Variants in PHACTR3 observed in about 807,000 individuals in gnomAD.
PHACTR3 encodes the protein phosphatase and actin regulator 3, also known as protein phosphatase 1, regulatory subunit 123.
In PHACTR3, 16 loss-of-function variants were observed where a neutral mutation model predicts 66.8. The ratio of observed to expected loss-of-function variants is 0.24; its 90% CI spans 0.16 to 0.36. PHACTR3 has a LOEUF of 0.36. Ranked by LOEUF, PHACTR3 falls within the 10% of genes least tolerant of loss-of-function variation. The pLI, the probability that PHACTR3 is intolerant of heterozygous loss-of-function variation, is 1.00. For synonymous variants in PHACTR3, 323 were observed against 292.1 expected (o/e 1.11, Z -1.08); for missense variants, 647 against 719.9 (o/e 0.90, Z 1.16).
At chr20:59,646,562 T>C (rs575741472) in intron 1 of PHACTR3, among the ~76,000 whole-genome samples, 22 of 152,272 alleles carry the variant, frequency 1.4e-4, no homozygotes, top group Non-Finnish European at 2.9e-4. Flanking sequence ...CTGCTGACTT[T>C]CTCAATCTGG....
chr20:59,621,433 G>A (rs988890448), intron 1 of PHACTR3, among the ~76,000 whole-genome samples: 1 of 152,230 alleles, frequency 6.6e-6, no homozygotes, highest in Non-Finnish European at 1.5e-5. Flanking sequence ...CACATCTTGG[G>A]GACTGTCCAC....
intron 1 of PHACTR3, among the ~76,000 whole-genome samples, chr20:59,682,839 G>A (rs969749571): frequency 6.6e-6 from 1 of 152,186 alleles, no homozygotes; most frequent in African/African-American, 2.4e-5. Context: ...GAGATTGCTG[G>A]GGAGGGAGAC....
In PHACTR3 at chr20:59,830,031, G is replaced by A. The variant is rs554967169; in HGVS notation, c.1329-6474G>A. Among the ~76,000 whole-genome samples, 2 of 152,310 alleles carry A rather than the reference G, an allele frequency of 1.3e-5. No individual in the cohort carries two copies. The highest frequency in any genetic ancestry group is 1.3e-4 in the Admixed American group (2 of 15,300). ...GCTGCTGTGCTCATCATGCAGGAAG[G>A]CAGTCAGCTGAGCAGTGTGTGCAGA... On this transcript the variant is annotated intron_variant, in intron 8 of 12. Coordinates refer to ENST00000371015, the MANE Select transcript of PHACTR3 (RefSeq NM_080672.5). This position sits in a 1 kb window ranked among gnomAD's most constrained non-coding sequence, Gnocchi z 5.8.
chr20:59,791,914 T>C (rs1379513502), intron 7 of PHACTR3, among the ~76,000 whole-genome samples: 1 of 152,124 alleles, frequency 6.6e-6, no homozygotes, highest in Non-Finnish European at 1.5e-5. Context: ...ATTGGGGCTG[T>C]TTTATGCTTA....
chr20:59,801,609 A>G (rs570289142), intron 7 of PHACTR3, among the ~76,000 whole-genome samples: 6 of 152,210 alleles, frequency 3.9e-5, no homozygotes, highest in Non-Finnish European at 7.3e-5. Context: ...TTTCTGGCAC[A>G]CTACCTTCCT....
chr20:59,604,833 A>T lies in PHACTR3; in HGVS notation c.-182A>T, dbSNP rs1269066028. The T allele has an allele frequency of 1.7e-6, 2 of 1,210,412 alleles. No homozygotes were observed. Among genetic ancestry groups the T allele is most frequent in the Non-Finnish European group, 2.0e-6 (2 of 976,698 alleles). The allele number at this position is 1,210,412 out of a possible 1,614,324, so 75.0% of individuals were successfully genotyped here. On this transcript the variant is annotated 5_prime_UTR_variant, in exon 1 of 13. The change abolishes the stop of an existing upstream ORF in the 5' untranslated region. Coordinates refer to ENST00000371015, the MANE Select transcript of PHACTR3 (RefSeq NM_080672.5). ...GCGAGGCTATTGTCTCCCCGCCCTG[A>T]AGCCAGCCCCGGCGTCTTTCTCCAG...
chr20:59,669,780 C>T (rs918232980), intron 1 of PHACTR3, among the ~76,000 whole-genome samples: 1 of 152,222 alleles, frequency 6.6e-6, no homozygotes, highest in African/African-American at 2.4e-5. Context: ...CGAAGCTCAT[C>T]CGTGTTGTAG....
intron 7 of PHACTR3, among the ~76,000 whole-genome samples, chr20:59,790,608 A>G (rs943377220): frequency 6.6e-6 from 1 of 152,224 alleles, no homozygotes; most frequent in Non-Finnish European, 1.5e-5. Context: ...ATTAACAGCT[A>G]TTGAAAGAGC....
intron 1 of PHACTR3, among the ~76,000 whole-genome samples, chr20:59,624,159 T>C (rs1428114870): frequency 6.6e-6 from 1 of 152,136 alleles, no homozygotes; most frequent in Non-Finnish European, 1.5e-5. Flanking sequence ...TGGTGAAAAT[T>C]GCCCCTCTTT....
At chr20:59,674,872 G>C in intron 1 of PHACTR3, among the ~76,000 whole-genome samples, 1 of 67,952 alleles carries the variant, frequency 1.5e-5, no homozygotes, top group Admixed American at 2.1e-4. Flanking sequence ...CCCTTCTCCT[G>C]TCCCCCGCTT....
chr20:59,740,435 A>C (rs888933966), intron 1 of PHACTR3, among the ~76,000 whole-genome samples: 1 of 152,108 alleles, frequency 6.6e-6, no homozygotes, highest in Non-Finnish European at 1.5e-5. Flanking sequence ...CCGACTCTTA[A>C]GTAGCATGCA....
At chr20:59,711,041 G>A (rs549710238) in intron 1 of PHACTR3, among the ~76,000 whole-genome samples, 1 of 152,058 alleles carries the variant, frequency 6.6e-6, no homozygotes, top group African/African-American at 2.4e-5. Context: ...CATCTTTCAT[G>A]TATACATATA....
chr20:59,784,077 C>T (rs879787235), intron 7 of PHACTR3, among the ~76,000 whole-genome samples: 5 of 152,138 alleles, frequency 3.3e-5, no homozygotes, highest in Admixed American at 2.0e-4. Context: ...GTGGTTGTCA[C>T]CTGCAGTCGG....
intron 8 of PHACTR3, among the ~76,000 whole-genome samples, chr20:59,813,783 G>T (rs937752632): frequency 3.9e-5 from 6 of 152,068 alleles, no homozygotes; most frequent in Admixed American, 3.3e-4. Context: ...ATGGGTCCAG[G>T]TGGTGGAGGC....
intron 7 of PHACTR3, among the ~76,000 whole-genome samples, chr20:59,781,574 C>G (rs1444488803): frequency 6.6e-6 from 1 of 152,056 alleles, no homozygotes; most frequent in Admixed American, 6.5e-5. Flanking sequence ...ACGTGGTAGC[C>G]CTGCTGCCAA....
chr20:59,715,029 G>A (rs1394583361), intron 1 of PHACTR3, among the ~76,000 whole-genome samples: 2 of 152,078 alleles, frequency 1.3e-5, no homozygotes, highest in South Asian at 4.1e-4. Flanking sequence ...TCCTATGTAA[G>A]AAACTTGCTA....
chr20:59,723,363 C>T (rs1450109510), intron 1 of PHACTR3, among the ~76,000 whole-genome samples: 2 of 152,020 alleles, frequency 1.3e-5, no homozygotes, highest in Non-Finnish European at 2.9e-5. Context: ...CAAATAGGAT[C>T]GTACAGTGTG....
chr20:59,743,017 C>A, intron 1 of PHACTR3, 90 bp from the exon 2 acceptor site: 1 of 1,437,380 alleles, frequency 7.0e-7, no homozygotes. Context: ...CACTGGTGAC[C>A]CCTTAGGGTG....
chr20:59,835,076 G>C (rs142180787), intron 8 of PHACTR3, among the ~76,000 whole-genome samples: 1 of 152,222 alleles, frequency 6.6e-6, no homozygotes, highest in African/African-American at 2.4e-5. Flanking sequence ...CCCAAGGGCA[G>C]GGAAGACTTC....
Sources: allele counts gnomAD v4.1 joint callset (sites outside exome capture counted in the v4.1 genomes callset), GRCh38; gene constraint gnomAD v4.1.1; non-coding constraint Gnocchi (gnomAD v3.1); transcripts MANE v1.5; gene names NCBI Gene and HGNC (gene_info 2026-07-23, HGNC 2026-07-21).